Variants in FRMPD1 observed in about 807,000 individuals in gnomAD.
FRMPD1 encodes the protein FERM and PDZ domain containing 1, also known as FERM and PDZ domain-containing protein 1.
Under a neutral mutation model 117.8 loss-of-function variants are expected in FRMPD1, and 76 were observed. The observed-to-expected ratio is 0.65, with a 90% confidence interval of 0.54 to 0.78. The LOEUF (loss-of-function observed/expected upper bound fraction) is 0.78. Among genes scored for constraint, FRMPD1 ranks in the 30% least tolerant of loss-of-function variants. The pLI is 0.00. For missense variants in FRMPD1, 1,786 were observed against 1,964.5 expected (o/e 0.91, Z 1.72); for synonymous variants, 783 against 770.4 (o/e 1.02, Z -0.27).
chr9:37,663,766 G>A (rs939663888), intron 1 of FRMPD1, among the ~76,000 whole-genome samples: 3 of 152,098 alleles, frequency 2.0e-5, no homozygotes, highest in African/African-American at 7.2e-5. Context: ...TATATAAAAT[G>A]GTGTAATGTT....
At chr9:37,661,660 C>G (rs1821005144) in intron 1 of FRMPD1, 2 of 152,254 alleles carry the variant, frequency 1.3e-5, no homozygotes, top group South Asian at 4.1e-4. Flanking sequence ...CTACCACCAC[C>G]TCTCTGTGTG....
the FRMPD1 span, among the ~76,000 whole-genome samples, chr9:37,632,339 G>C: frequency 3.9e-5 from 6 of 152,114 alleles, no homozygotes; most frequent in Non-Finnish European, 7.3e-5. Flanking sequence ...TTCTGTATTA[G>C]AGCTCTTTAG....
chr9:37,735,601 G>A lies in FRMPD1; in HGVS notation c.1268G>A (p.Gly423Glu). The A allele has an allele frequency of 8.7e-6, 14 of 1,613,896 alleles. No homozygotes were observed. The highest frequency in any genetic ancestry group is 1.2e-5 in the Non-Finnish European group (14 of 1,179,780). Residue 423 changes from glycine to glutamate, a missense_variant, in exon 13 of 16, where the codon GGG (glycine) becomes GAG (glutamate). Gly to Glu is a moderately conservative substitution (Grantham distance 98). Transcript: ENST00000377765. ...YIALLVGAKY[G>E]ISQVINSKLN... ...GCCCTTCTAGTTGGAGCCAAGTATG[G>A]GATTAGCCAGGTTATCAATAGCAAA...
At chr9:37,654,598 T>C (rs893565505) in intron 1 of FRMPD1, among the ~76,000 whole-genome samples, 1 of 152,218 alleles carries the variant, frequency 6.6e-6, no homozygotes, top group Admixed American at 6.5e-5. Flanking sequence ...AGTCGATACA[T>C]GTAAAGTACT....
intron 1 of FRMPD1, among the ~76,000 whole-genome samples, chr9:37,659,035 A>G (rs909151884): frequency 2.0e-5 from 3 of 151,914 alleles, no homozygotes; most frequent in Admixed American, 6.6e-5. Context: ...TAATTTTTAA[A>G]TTTTATTTTT....
intron 5 of FRMPD1, among the ~76,000 whole-genome samples, chr9:37,717,317 A>ATGTGTG (rs1204426463): frequency 1.5e-5 from 2 of 137,798 alleles, no homozygotes; most frequent in African/African-American, 5.5e-5. Flanking sequence ...ATATATATGT[A>ATGTGTG]TGTGTGTGTG....
rs1283160277 is a variant in FRMPD1, at chr9:37,733,813, T to C, written c.1206T>C (p.Asn402=). ...ELKTYGGRIF[N]ATLMLQDRES... ...AGACATATGGTGGAAGAATCTTTAA[T>C]GCTACTTTAATGGTATGTATTAGAG... Residue 402 remains asparagine, a synonymous_variant, in exon 12 of 16, where the codon AAT becomes AAC. Coordinates refer to ENST00000377765, the MANE Select transcript of FRMPD1 (RefSeq NM_014907.3). 1 of 1,550,082 alleles carries C rather than the reference T, an allele frequency of 6.5e-7. No homozygotes were observed. The highest frequency in any genetic ancestry group is 8.9e-7 in the Non-Finnish European group (1 of 1,121,930).
chr9:37,603,547 G>A, the FRMPD1 span, among the ~76,000 whole-genome samples: 2 of 152,186 alleles, frequency 1.3e-5, 1 homozygote, highest in African/African-American at 4.8e-5. Context: ...ACATTCCTAA[G>A]TATTGCAGTG....
At chr9:37,657,802 C>T (rs919979475) in intron 1 of FRMPD1, among the ~76,000 whole-genome samples, 2 of 152,102 alleles carry the variant, frequency 1.3e-5, no homozygotes, top group Admixed American at 1.3e-4. Flanking sequence ...TCAAACAAGA[C>T]TGCCAGCTCC....
the FRMPD1 span, among the ~76,000 whole-genome samples, chr9:37,637,683 G>A: frequency 6.6e-6 from 1 of 152,148 alleles, no homozygotes; most frequent in Non-Finnish European, 1.5e-5. Flanking sequence ...AAAGTTCCAG[G>A]GCCATCACTT....
intron 12 of FRMPD1, among the ~76,000 whole-genome samples, 155 bp downstream of exon 12, chr9:37,733,980 C>T (rs750694): frequency 0.15 from 23,454 of 152,142 alleles, 1,925 homozygotes; most frequent in East Asian, 0.33. Flanking sequence ...AAAATATTTA[C>T]CACGCGTTTG....
chr9:37,646,171 T>C (rs893809851), upstream of FRMPD1, among the ~76,000 whole-genome samples: 3 of 152,210 alleles, frequency 2.0e-5, no homozygotes, highest in Non-Finnish European at 2.9e-5. Flanking sequence ...TTGATGTAAC[T>C]GTCTCATTAT....
chr9:37,716,707 C>T (rs1196830503), intron 5 of FRMPD1, among the ~76,000 whole-genome samples: 2 of 152,080 alleles, frequency 1.3e-5, no homozygotes, highest in Non-Finnish European at 2.9e-5. Flanking sequence ...TTGCTTTGAC[C>T]ACTCACTTTA....
At chr9:37,716,457 A>G (rs1043370523) in intron 5 of FRMPD1, among the ~76,000 whole-genome samples, 13 of 152,118 alleles carry the variant, frequency 8.5e-5, no homozygotes, top group East Asian at 1.9e-4. Context: ...TCATTTTCCA[A>G]TGACTTCCTG....
intron 6 of FRMPD1, 131 bp downstream of exon 6, chr9:37,719,307 G>A: frequency 3.1e-6 from 2 of 652,072 alleles, no homozygotes; most frequent in East Asian, 5.6e-5. Context: ...AAGAGGCTTT[G>A]TGCGCCCTCC....
the FRMPD1 span, among the ~76,000 whole-genome samples, chr9:37,630,720 C>T: frequency 6.6e-6 from 1 of 152,058 alleles, no homozygotes; most frequent in African/African-American, 2.4e-5. Context: ...TTCTTATGAC[C>T]CCTGTGTCTG....
chr9:37,616,110 C>A, the FRMPD1 span, among the ~76,000 whole-genome samples: 1 of 143,440 alleles, frequency 7.0e-6, no homozygotes, highest in South Asian at 2.2e-4. Context: ...AGCCACTGTG[C>A]CCAGCCCTTT....
In FRMPD1 at chr9:37,708,490, C is replaced by A. The variant is rs745630668; in HGVS notation, c.351C>A (p.Val117=). The change falls in exon 4 of 16, where the codon GTC becomes GTA. Residue 117 remains valine, a synonymous_variant. Transcript: ENST00000377765. The part of the protein sequence containing the change: ...PAEDLSWERA[V]DILREAEDSL... ...AAGACCTTTCCTGGGAACGAGCAGT[C>A]GATATTCTCAGGTACTAAATGGTCT... 1.3e-6 allele frequency: 2 copies of A among 1,587,592 alleles called. No homozygotes were observed. The highest frequency in any genetic ancestry group is 1.3e-5 in the African/African-American group (1 of 74,502).
chr9:37,661,222 T>C (rs1001502739), intron 1 of FRMPD1, among the ~76,000 whole-genome samples: 1 of 152,158 alleles, frequency 6.6e-6, no homozygotes, highest in Non-Finnish European at 1.5e-5. Context: ...TGGTGCCTTG[T>C]AGTCTTAGTA....
Sources: gnomAD v4.1 joint callset for allele counts (sites outside exome capture counted in the v4.1 genomes callset) on GRCh38, gnomAD v4.1.1 for gene constraint, MANE v1.5 for transcripts, NCBI Gene and HGNC (gene_info 2026-07-23, HGNC 2026-07-21) for gene names.